Variants in PTPRO observed in about 807,000 individuals in gnomAD.
PTPRO encodes receptor-type tyrosine-protein phosphatase O.
A neutral mutation model predicts 145.2 loss-of-function variants in PTPRO; 62 were observed. The observed-to-expected ratio is 0.43, with a 90% CI of 0.35 to 0.53. The LOEUF (loss-of-function observed/expected upper bound fraction) is 0.53. Ranked by LOEUF, PTPRO falls within the 20% of genes least tolerant of loss-of-function variation. PTPRO has a pLI of 0.01. For missense variants in PTPRO, 1,345 were observed against 1,482.7 expected, an observed-to-expected ratio of 0.91 and a Z score of 1.53; for synonymous variants, 565 against 514.7, an observed-to-expected ratio of 1.10 and a Z score of -1.32.
intron 17 of PTPRO, among the ~76,000 whole-genome samples, chr12:15,562,668 A>C (rs1484210034): frequency 6.6e-6 from 1 of 152,086 alleles, no homozygotes; most frequent in African/African-American, 2.4e-5. Flanking sequence ...TGACTTTCAG[A>C]ACTTAAGAGT....
At chr12:15,566,741 G>A (rs537352993) in intron 18 of PTPRO, among the ~76,000 whole-genome samples, 4 of 152,100 alleles carry the variant, frequency 2.6e-5, no homozygotes, top group Admixed American at 1.3e-4. Context: ...GACTGGTCTC[G>A]AACTCCTGAC....
intron 2 of PTPRO, among the ~76,000 whole-genome samples, chr12:15,487,479 G>A (rs1941913788): frequency 6.6e-6 from 1 of 152,152 alleles, no homozygotes; most frequent in Non-Finnish European, 1.5e-5. Flanking sequence ...AATACATTAA[G>A]GCTTCTCCTT....
At chr12:15,473,426 G>T (rs778753158) in intron 1 of PTPRO, among the ~76,000 whole-genome samples, 1 of 152,090 alleles carries the variant, frequency 6.6e-6, no homozygotes, top group Non-Finnish European at 1.5e-5. Context: ...CGTAATTACC[G>T]AATTCTGTAG....
chr12:15,537,200 C>A (rs1454601612), intron 12 of PTPRO, among the ~76,000 whole-genome samples: 1 of 151,982 alleles, frequency 6.6e-6, no homozygotes, highest in Non-Finnish European at 1.5e-5. Context: ...ACTGAGCAGG[C>A]AGTTAGATAA....
chr12:15,357,032 C>G (rs1938016737), intron 1 of PTPRO, among the ~76,000 whole-genome samples: 1 of 152,092 alleles, frequency 6.6e-6, no homozygotes, highest in Admixed American at 6.6e-5. Flanking sequence ...TTGGTGACAG[C>G]AGTTTTGTGC....
At chr12:15,388,423 G>C (rs922487084) in intron 1 of PTPRO, among the ~76,000 whole-genome samples, 1 of 151,996 alleles carries the variant, frequency 6.6e-6, no homozygotes, top group Non-Finnish European at 1.5e-5. Context: ...TTCTTCCCGT[G>C]TTTTAAACTG....
chr12:15,507,183 C>A (rs557877365), intron 6 of PTPRO, among the ~76,000 whole-genome samples: 2 of 152,186 alleles, frequency 1.3e-5, no homozygotes, highest in Admixed American at 1.3e-4. Context: ...GAGGCCAAGG[C>A]GGGCGGATCA....
intron 1 of PTPRO, among the ~76,000 whole-genome samples, chr12:15,390,054 T>C (rs1939146134): frequency 6.6e-6 from 1 of 152,194 alleles, no homozygotes; most frequent in Non-Finnish European, 1.5e-5. Context: ...ATTCAAATCA[T>C]GCTATTGATG....
intron 6 of PTPRO, among the ~76,000 whole-genome samples, chr12:15,504,805 A>C (rs1380010588): frequency 2.0e-5 from 3 of 152,242 alleles, no homozygotes; most frequent in African/African-American, 4.8e-5. Context: ...GATAACCACC[A>C]CATATCCTAT....
At chr12:15,410,051 G>A (rs892185582) in intron 1 of PTPRO, among the ~76,000 whole-genome samples, 1 of 152,028 alleles carries the variant, frequency 6.6e-6, no homozygotes, top group Admixed American at 6.6e-5. Context: ...CCTGATTAAG[G>A]TATAACAAAG....
At position 15,560,247 on chromosome 12, in the gene PTPRO, T is replaced by C. The variant is rs776322189; in HGVS notation, c.2682T>C (p.Asp894=). The part of the protein sequence containing the change: ...LTLLPSCLWT[D]YLLAFYINPW... ...TGCTACCCTCATGTCTTTGGACTGA[T>C]TATCTTTTGGCATTTTATATTAATC... Residue 894 remains aspartate (D), a synonymous_variant, in exon 17 of 27, where the codon GAT becomes GAC. Transcript: ENST00000281171. 6.4e-5 allele frequency: 102 copies of C among 1,592,786 alleles called. No homozygotes were observed. Among genetic ancestry groups the C allele is most frequent in the Non-Finnish European group, 8.8e-5 (102 of 1,161,176 alleles).
At chr12:15,345,308 CGT>C (rs1401163321) in intron 1 of PTPRO, among the ~76,000 whole-genome samples, 1 of 152,142 alleles carries the variant, frequency 6.6e-6, no homozygotes, top group African/African-American at 2.4e-5. Context: ...CACATGCACA[CGT>C]GTGTTTATTG....
chr12:15,546,229 T>G, intron 12 of PTPRO: 1 of 757,746 alleles, frequency 1.3e-6, no homozygotes, highest in Non-Finnish European at 1.7e-6. Flanking sequence ...GATTTTTGTT[T>G]CTCATCCAGG....
At chr12:15,419,169 G>A (rs764594188) in intron 1 of PTPRO, among the ~76,000 whole-genome samples, 5 of 150,344 alleles carry the variant, frequency 3.3e-5, no homozygotes, top group Admixed American at 2.0e-4. Context: ...AGATATTCAT[G>A]CGCTTATTGA....
At position 15,546,713 on chromosome 12, in the gene PTPRO, T is replaced by G; in HGVS notation, c.2304+5T>G. 6.2e-7 allele frequency: 1 copy of G among 1,613,958 alleles called. No individual in the cohort carries two copies. The highest frequency in any genetic ancestry group is 8.5e-7 in the Non-Finnish European group (1 of 1,179,894). ...AGTCAGAAAACCAAACTTCAGGTAC[T>G]GTACCTTTTGATCTACCTTTTCTCA... On this transcript the variant is annotated splice_donor_5th_base_variant and intron_variant, in intron 13 of 26. Coordinates refer to ENST00000281171, the MANE Select transcript of PTPRO (RefSeq NM_030667.3).
intron 1 of PTPRO, among the ~76,000 whole-genome samples, chr12:15,407,698 C>G (rs1423911094): frequency 6.6e-6 from 1 of 152,158 alleles, no homozygotes; most frequent in Non-Finnish European, 1.5e-5. Context: ...TACTCCTCTT[C>G]TTCTTCATTA....
chr12:15,567,468 C>T (rs1263197927), intron 18 of PTPRO, among the ~76,000 whole-genome samples: 1 of 152,044 alleles, frequency 6.6e-6, no homozygotes, highest in East Asian at 1.9e-4. Context: ...CATTCTCCTT[C>T]TCCCTTATGT....
At chr12:15,440,254 C>T in intron 1 of PTPRO, 2 of 622,838 alleles carry the variant, frequency 3.2e-6, no homozygotes, top group Non-Finnish European at 2.9e-6. Context: ...TTGATGCCAT[C>T]TCTAAGACCT....
intron 1 of PTPRO, among the ~76,000 whole-genome samples, chr12:15,360,905 CAT>C (rs1390111460): frequency 1.7e-5 from 2 of 120,700 alleles, no homozygotes; most frequent in Admixed American, 8.8e-5. Flanking sequence ...TATACACACA[CAT>C]ATATACACAC....
Sources: gnomAD v4.1 joint callset for allele counts (sites outside exome capture counted in the v4.1 genomes callset) on GRCh38, gnomAD v4.1.1 for gene constraint, MANE v1.5 for transcripts, NCBI Gene and HGNC (gene_info 2026-07-23, HGNC 2026-07-21) for gene names.